The following ZSWIM5 variants were observed in gnomAD, a reference collection of about 807,000 sequenced individuals.
ZSWIM5 encodes the protein zinc finger SWIM domain-containing protein 5.
Under a neutral mutation model 119.6 loss-of-function variants are expected in ZSWIM5, and 55 were observed. The observed-to-expected ratio is 0.46, with a 90% CI of 0.37 to 0.58. The LOEUF (loss-of-function observed/expected upper bound fraction) is 0.58, where lower values mean the gene tolerates loss of function less well. Ranked by LOEUF, ZSWIM5 falls within the 20% of genes least tolerant of loss-of-function variation. The pLI is 0.00. For synonymous variants in ZSWIM5, 537 were observed against 606.9 expected (o/e 0.88, Z 1.69); for missense variants, 1,193 against 1,512.8 (o/e 0.79, Z 3.51).
chr1:45,070,251 C>A, intron 2 of ZSWIM5: 1 of 1,472,708 alleles, frequency 6.8e-7, no homozygotes, highest in Non-Finnish European at 9.5e-7. Flanking sequence ...AGTCACAGAA[C>A]CAACACTTGG....
intron 11 of ZSWIM5, among the ~76,000 whole-genome samples, chr1:45,025,227 ATAT>A (rs1199637944): frequency 6.6e-6 from 1 of 152,188 alleles, no homozygotes; most frequent in Admixed American, 6.5e-5. Flanking sequence ...GTCTTGATTA[ATAT>A]TATAGTAAGT....
intron 1 of ZSWIM5, among the ~76,000 whole-genome samples, chr1:45,167,674 T>A (rs552107303): frequency 6.6e-5 from 10 of 151,960 alleles, no homozygotes; most frequent in Non-Finnish European, 1.3e-4. Context: ...GGATATGAAC[T>A]GACACTTCTC....
intron 11 of ZSWIM5, among the ~76,000 whole-genome samples, chr1:45,028,536 A>T (rs1314547082): frequency 6.6e-6 from 1 of 152,024 alleles, no homozygotes; most frequent in African/African-American, 2.4e-5. Context: ...TGAGTCGATC[A>T]CCTGAGGTCA....
intron 1 of ZSWIM5, among the ~76,000 whole-genome samples, chr1:45,115,635 C>A (rs1262796652): frequency 2.7e-5 from 4 of 146,878 alleles, no homozygotes. Flanking sequence ...CGGGAAGAGG[C>A]GCTCCTCACT....
At chr1:45,187,951 C>G (rs1646069307) in intron 1 of ZSWIM5, among the ~76,000 whole-genome samples, 1 of 152,108 alleles carries the variant, frequency 6.6e-6, no homozygotes, top group Non-Finnish European at 1.5e-5. Flanking sequence ...TAGATAATAA[C>G]AAGTATTGGC....
intron 1 of ZSWIM5, among the ~76,000 whole-genome samples, chr1:45,178,386 C>G (rs1049831761): frequency 6.6e-6 from 1 of 152,042 alleles, no homozygotes; most frequent in African/African-American, 2.4e-5. Flanking sequence ...ATGGCGCCAC[C>G]ACACTCCACC....
intron 1 of ZSWIM5, among the ~76,000 whole-genome samples, chr1:45,126,659 T>TA (rs1260032448): frequency 6.6e-5 from 10 of 151,966 alleles, no homozygotes; most frequent in Admixed American, 5.2e-4. Flanking sequence ...TCCCAGCACT[T>TA]AGAGAGGCAG....
chr1:45,186,471 A>G (rs1410336066), intron 1 of ZSWIM5, among the ~76,000 whole-genome samples: 2 of 151,980 alleles, frequency 1.3e-5, no homozygotes, highest in East Asian at 1.9e-4. Context: ...GATACGGTAT[A>G]AAAAAGGAAG....
chr1:45,067,396 T>C (rs1229060896), intron 2 of ZSWIM5, among the ~76,000 whole-genome samples: 1 of 150,342 alleles, frequency 6.7e-6, no homozygotes, highest in Non-Finnish European at 1.5e-5. Context: ...GCTGTGATTG[T>C]GCCACTGCAT....
chr1:45,117,636 A>G (rs540591335), intron 1 of ZSWIM5, among the ~76,000 whole-genome samples: 1 of 152,166 alleles, frequency 6.6e-6, no homozygotes, highest in Non-Finnish European at 1.5e-5. Flanking sequence ...ATGCCACTGC[A>G]CTCTAGCCTG....
At chr1:45,098,459 C>T (rs1471237308) in intron 1 of ZSWIM5, among the ~76,000 whole-genome samples, 1 of 152,158 alleles carries the variant, frequency 6.6e-6, no homozygotes, top group Non-Finnish European at 1.5e-5. Context: ...ACTCATCTTC[C>T]ATAAACATGA....
At chr1:45,125,463 T>C (rs2149028783) in intron 1 of ZSWIM5, among the ~76,000 whole-genome samples, 1 of 150,934 alleles carries the variant, frequency 6.6e-6, no homozygotes, top group East Asian at 1.9e-4. Context: ...GGGAAATTTA[T>C]AGCAGGAACT....
chr1:45,057,188 C>T lies in ZSWIM5; in HGVS notation c.1252+1421G>A, dbSNP rs1052105802. On this transcript the variant is annotated intron_variant, in intron 4 of 13. Coordinates refer to ENST00000359600, the MANE Select transcript of ZSWIM5 (RefSeq NM_020883.2). This position sits in a 1 kb window ranked among gnomAD's most constrained non-coding sequence, Gnocchi z 4.7. ...TGTTTGAAATGCAAATTCTCAGGCT[C>T]CACTCCAAACCTACTAATTCAGAAA... 5.3e-5 allele frequency among the ~76,000 whole-genome samples: 8 copies of T among 152,214 alleles called. No homozygotes were observed. Among genetic ancestry groups the T allele is most frequent in the Non-Finnish European group, 1.0e-4 (7 of 68,042 alleles).
intron 1 of ZSWIM5, among the ~76,000 whole-genome samples, chr1:45,113,271 A>G (rs1329814928): frequency 6.6e-6 from 1 of 152,210 alleles, no homozygotes; most frequent in African/African-American, 2.4e-5. Context: ...TAAAAAAGAG[A>G]ATGGCAGAGA....
chr1:45,035,842 G>C lies in ZSWIM5; in HGVS notation c.2156-19C>G. ...GGACCTCCTGGAGGAAGATAAGCCA[G>C]CCAGTTATTTATCTGTATGCTTCCA... On this transcript the variant is annotated intron_variant, in intron 9 of 13. Coordinates refer to ENST00000359600, the MANE Select transcript of ZSWIM5 (RefSeq NM_020883.2). 6.2e-7 allele frequency: 1 copy of C among 1,611,596 alleles called. No individual in the cohort carries two copies. Among genetic ancestry groups the C allele is most frequent in the South Asian group, 1.1e-5 (1 of 90,984 alleles).
chr1:45,198,569 TCCA>T (rs1286649331), intron 1 of ZSWIM5, among the ~76,000 whole-genome samples: 1 of 146,208 alleles, frequency 6.8e-6, no homozygotes, highest in Non-Finnish European at 1.5e-5. Context: ...AGAGTTTTTC[TCCA>T]CCACAACAAT....
At chr1:45,097,557 G>A (rs953629349) in intron 1 of ZSWIM5, among the ~76,000 whole-genome samples, 2 of 152,168 alleles carry the variant, frequency 1.3e-5, no homozygotes, top group Non-Finnish European at 1.5e-5. Flanking sequence ...AAGAAGTTAC[G>A]TGATTTGCCC....
intron 1 of ZSWIM5, among the ~76,000 whole-genome samples, chr1:45,192,147 G>A (rs1646096513): frequency 6.6e-6 from 1 of 152,060 alleles, no homozygotes; most frequent in Non-Finnish European, 1.5e-5. Context: ...AATATACTAA[G>A]ATTTATCATT....
rs191893035 is a variant in ZSWIM5 at position 45,031,407 on chromosome 1, C to T, written c.2449+2905G>A. On this transcript the variant is annotated intron_variant, in intron 11 of 13. Coordinates refer to ENST00000359600, the MANE Select transcript of ZSWIM5 (RefSeq NM_020883.2). The stretch of plus-strand genomic sequence containing the variant: ...GCATGTTAGCCAGGCTGGTCTCGAA[C>T]TCCTGGCTTCAAGTGATCTGCCTTC... 1.7e-3 allele frequency among the ~76,000 whole-genome samples: 259 copies of T among 151,498 alleles called. 2 individuals are homozygous for T. The highest frequency in any genetic ancestry group is 5.8e-3 in the African/African-American group (239 of 41,296).
Sources: allele counts gnomAD v4.1 joint callset (sites outside exome capture counted in the v4.1 genomes callset), GRCh38; gene constraint gnomAD v4.1.1; non-coding constraint Gnocchi (gnomAD v3.1); transcripts MANE v1.5; gene names NCBI Gene and HGNC (gene_info 2026-07-23, HGNC 2026-07-21).